Variants in INSR observed in about 807,000 individuals in gnomAD.
INSR encodes the protein IR.
INSR carries 67 observed loss-of-function variants against 142.6 expected under a neutral mutation model. The ratio of observed to expected loss-of-function variants is 0.47; its 90% confidence interval spans 0.39 to 0.58. INSR has a LOEUF of 0.58. INSR is among the 20% of genes least tolerant of loss of function. INSR has a pLI of 0.00. For synonymous variants in INSR, 756 were observed against 743.1 expected (o/e 1.02, Z -0.28); for missense variants, 1,248 against 1,833.2 (o/e 0.68, Z 5.83).
At chr19:7,152,963 C>T (rs1248510761) in intron 9 of INSR, 36 bp from the exon 10 acceptor site, 2 of 1,526,462 alleles carry the variant, frequency 1.3e-6, no homozygotes, top group Non-Finnish European at 1.8e-6. Flanking sequence ...GCTCAAGTCT[C>T]TGCGGCTGAA....
chr19:7,112,998 T>C lies in INSR; in HGVS notation c.*4058A>G, dbSNP rs970880983. 1 of 152,190 alleles carries C rather than the reference T, an allele frequency of 6.6e-6. No individual in the cohort carries two copies. Among genetic ancestry groups the C allele is most frequent in the African/African-American group, 2.4e-5 (1 of 41,440 alleles). The allele number at this position is 152,190 out of a possible 1,614,324, so 9.4% of individuals were successfully genotyped here. ...CCATGTATATAAAATCGGCATTCCC[T>C]GTTCCCCATCCTCAACAAAACCATT... On this transcript the variant is annotated 3_prime_UTR_variant, in exon 22 of 22. Transcript: ENST00000302850.
At position 7,168,136 on chromosome 19, in the gene INSR, T is replaced by G; in HGVS notation, c.1484-42A>C. 2 of 1,608,948 alleles carry G rather than the reference T, an allele frequency of 1.2e-6. No individual in the cohort carries two copies. Among genetic ancestry groups the G allele is most frequent in the South Asian group, 2.2e-5 (2 of 90,648 alleles). ...AAAAGGCAAAAATGAGCTATTTCAG[T>G]GTAGTTTCAGACCAAAGCCTGGGAC... On this transcript the variant is annotated intron_variant, in intron 6 of 21. Transcript: ENST00000302850. This position sits in a 1 kb window ranked among gnomAD's most constrained non-coding sequence, Gnocchi z 4.3.
At chr19:7,226,727 C>CAAAAAAA (rs1297589452) in intron 2 of INSR, among the ~76,000 whole-genome samples, 1 of 13,916 alleles carries the variant, frequency 7.2e-5, no homozygotes, top group African/African-American at 3.6e-4. Context: ...GACCCTGTTT[C>CAAAAAAA]CAAAAAAAAA....
chr19:7,129,048 A>T, intron 14 of INSR, 94 bp from the exon 15 acceptor site: 1 of 924,552 alleles, frequency 1.1e-6, no homozygotes, highest in South Asian at 1.3e-5. Flanking sequence ...TGGGTGGGCC[A>T]CCCTGTTCCT....
chr19:7,197,756 GGA>G (rs1568480610), intron 2 of INSR, among the ~76,000 whole-genome samples: 1 of 75,452 alleles, frequency 1.3e-5, no homozygotes, highest in Non-Finnish European at 2.9e-5. Context: ...TTCCAGAGTG[GGA>G]GTGTGTGTGT....
chr19:7,228,104 G>T (rs1353715832), intron 2 of INSR, among the ~76,000 whole-genome samples: 4 of 152,128 alleles, frequency 2.6e-5, no homozygotes, highest in African/African-American at 7.2e-5. Flanking sequence ...CTTCACTGTG[G>T]TACAGGGTGG....
rs751637332 is a variant in INSR at position 7,143,213 on chromosome 19, G to C, written c.2268-123C>G. 279 of 1,062,742 alleles carry C rather than the reference G, an allele frequency of 2.6e-4. 1 individual carries two copies. Among genetic ancestry groups the C allele is most frequent in the Middle Eastern group, 2.3e-4 (1 of 4,314 alleles). The allele number at this position is 1,062,742 out of a possible 1,614,324, so 65.8% of individuals were successfully genotyped here. ...CAGAGCGCAGGAGGGTGCAGCAATG[G>C]GGAACATGGATTACAATACAGACTG... On this transcript the variant is annotated intron_variant, in intron 11 of 21. Coordinates refer to ENST00000302850, the MANE Select transcript of INSR (RefSeq NM_000208.4).
chr19:7,158,045 GTAT>G (rs72379188), intron 9 of INSR, among the ~76,000 whole-genome samples: 52,892 of 141,064 alleles, frequency 0.37, 10,524 homozygotes, highest in Admixed American at 0.51. Flanking sequence ...GAAGCTCCTG[GTAT>G]TATTATTATT....
chr19:7,162,930 T>C, intron 9 of INSR, 102 bp downstream of exon 9: 2 of 1,104,332 alleles, frequency 1.8e-6, no homozygotes, highest in Non-Finnish European at 1.4e-6. Flanking sequence ...CTTCCGACAC[T>C]GAGACACAGG....
At chr19:7,176,427 C>T (rs1434786628) in intron 3 of INSR, among the ~76,000 whole-genome samples, 1 of 152,154 alleles carries the variant, frequency 6.6e-6, no homozygotes, top group African/African-American at 2.4e-5. Flanking sequence ...ATGGTGAAAC[C>T]CCGTCTCTAC....
Position 7,152,761 on chromosome 19 carries a change from A to G in INSR, c.2196T>C (p.Phe732=). ...AAACCACGTTGTGCAGGTAATCCTC[A>G]AACGTCTTCCTAAACGAGGACTCCT... is the stretch of plus-strand genomic sequence containing the variant. ...ELEESSFRKT[F]EDYLHNVVFV... is the part of the protein sequence containing the mutation. The change falls in exon 10 of 22, where the codon TTT becomes TTC. Residue 732 remains phenylalanine, a synonymous_variant. Coordinates refer to ENST00000302850, the MANE Select transcript of INSR (RefSeq NM_000208.4). The G allele has an allele frequency of 6.2e-7, 1 of 1,613,138 alleles. No homozygotes were observed. The highest frequency in any genetic ancestry group is 2.2e-5 in the East Asian group (1 of 44,878).
chr19:7,250,596 AGGAG>A (rs1161534793), intron 2 of INSR, among the ~76,000 whole-genome samples: 21 of 101,470 alleles, frequency 2.1e-4, no homozygotes, highest in African/African-American at 7.3e-4. Flanking sequence ...GAAGGAAGGA[AGGAG>A]AGGAGGGAGG....
At chr19:7,130,102 C>A (rs1972740499) in intron 14 of INSR, among the ~76,000 whole-genome samples, 1 of 152,156 alleles carries the variant, frequency 6.6e-6, no homozygotes, top group Non-Finnish European at 1.5e-5. Flanking sequence ...ACATTTGTGT[C>A]ATTAAAATGT....
At chr19:7,161,645 T>G (rs893182006) in intron 9 of INSR, among the ~76,000 whole-genome samples, 4 of 152,120 alleles carry the variant, frequency 2.6e-5, no homozygotes, top group Non-Finnish European at 4.4e-5. Flanking sequence ...GGGGCCAAAA[T>G]CCTTCCCTGA....
chr19:7,124,179 T>C (rs1180060529), intron 17 of INSR, among the ~76,000 whole-genome samples: 3 of 151,618 alleles, frequency 2.0e-5, no homozygotes, highest in Non-Finnish European at 2.9e-5. Flanking sequence ...CTGGCCAGCA[T>C]GGTGAAACCC....
chr19:7,178,719 A>AAAAC (rs113438249), intron 3 of INSR, among the ~76,000 whole-genome samples: 4,281 of 152,030 alleles, frequency 0.028, 181 homozygotes, highest in African/African-American at 0.089. Flanking sequence ...ACTCCGTCTC[A>AAAAC]AAACAAACAA....
chr19:7,201,581 T>C (rs12974176), intron 2 of INSR, among the ~76,000 whole-genome samples: 115,120 of 151,316 alleles, frequency 0.76, 43,993 homozygotes, highest in African/African-American at 0.81. Context: ...GCTGAGATTG[T>C]ACCACTGCAC....
intron 2 of INSR, among the ~76,000 whole-genome samples, chr19:7,187,385 C>A (rs1190741307): frequency 6.6e-6 from 1 of 151,846 alleles, no homozygotes; most frequent in Non-Finnish European, 1.5e-5. Flanking sequence ...CCCAGCCTAG[C>A]TGCAGTATTT....
intron 2 of INSR, among the ~76,000 whole-genome samples, chr19:7,213,024 G>C (rs1049647677): frequency 2.0e-5 from 3 of 152,038 alleles, no homozygotes; most frequent in Non-Finnish European, 4.4e-5. Flanking sequence ...AAAATGTGAG[G>C]CTTAGAATAA....
Sources: gnomAD v4.1 joint callset for allele counts (sites outside exome capture counted in the v4.1 genomes callset) on GRCh38, gnomAD v4.1.1 for gene constraint, Gnocchi (gnomAD v3.1) non-coding constraint, MANE v1.5 for transcripts, NCBI Gene and HGNC (gene_info 2026-07-23, HGNC 2026-07-21) for gene names.